The following DDX10 variants were observed in gnomAD, a reference collection of about 807,000 sequenced individuals.
DDX10 encodes the protein probable ATP-dependent RNA helicase DDX10.
DDX10 carries 74 observed loss-of-function variants against 104.3 expected under a neutral mutation model. That is an observed-to-expected ratio of 0.71 (90% CI 0.59 to 0.86). DDX10 has a LOEUF of 0.86. DDX10 is among the 40% of genes least tolerant of loss of function. The probability of loss-of-function intolerance (pLI) is 0.00; values close to 1 mark genes in which losing one functional copy is unlikely to be tolerated. For missense variants in DDX10, 952 were observed against 1,040.0 expected (o/e 0.92, Z 1.16); for synonymous variants, 351 against 353.4 (o/e 0.99, Z 0.08).
chr11:108,791,904 A>G (rs1258433454), intron 13 of DDX10, among the ~76,000 whole-genome samples: 1 of 152,192 alleles, frequency 6.6e-6, no homozygotes, highest in Non-Finnish European at 1.5e-5. Context: ...TGACTTTGCC[A>G]GCAGTGTATG....
chr11:108,762,720 G>A (rs890786614), intron 13 of DDX10, among the ~76,000 whole-genome samples: 1 of 152,128 alleles, frequency 6.6e-6, no homozygotes, highest in African/African-American at 2.4e-5. Context: ...CTAGATCATG[G>A]TCTCAAAGTT....
At chr11:108,732,121 A>T (rs567612516) in intron 13 of DDX10, among the ~76,000 whole-genome samples, 1 of 152,290 alleles carries the variant, frequency 6.6e-6, no homozygotes, top group East Asian at 1.9e-4. Context: ...AACCCATTGG[A>T]TTGTAGATTT....
chr11:108,835,875 T>G (rs910724507), intron 13 of DDX10, among the ~76,000 whole-genome samples: 1 of 152,062 alleles, frequency 6.6e-6, no homozygotes, highest in Non-Finnish European at 1.5e-5. Context: ...CCTTTGATCG[T>G]TTGTTACTCC....
intron 13 of DDX10, among the ~76,000 whole-genome samples, chr11:108,738,276 T>C (rs1455688165): frequency 6.6e-6 from 1 of 151,258 alleles, no homozygotes; most frequent in Non-Finnish European, 1.5e-5. Context: ...AAGGAATCTA[T>C]GAAAATCTGG....
At chr11:108,807,852 A>G (rs1862121372) in intron 13 of DDX10, among the ~76,000 whole-genome samples, 1 of 152,246 alleles carries the variant, frequency 6.6e-6, no homozygotes, top group Non-Finnish European at 1.5e-5. Context: ...TCTGAAATAC[A>G]AAATACAGGG....
chr11:108,710,622 C>T (rs556562710), intron 10 of DDX10, among the ~76,000 whole-genome samples: 24 of 151,904 alleles, frequency 1.6e-4, no homozygotes, highest in Non-Finnish European at 2.9e-4. Flanking sequence ...GAGGGACCTG[C>T]CTGAGGGTGT....
At chr11:108,887,539 A>G (rs1319154612) in intron 16 of DDX10, among the ~76,000 whole-genome samples, 4 of 151,240 alleles carry the variant, frequency 2.6e-5, no homozygotes, top group Non-Finnish European at 5.9e-5. Flanking sequence ...AATTCTCTTG[A>G]TGTAAGAATA....
At chr11:108,772,756 T>C (rs1331774467) in intron 13 of DDX10, among the ~76,000 whole-genome samples, 2 of 152,122 alleles carry the variant, frequency 1.3e-5, no homozygotes, top group African/African-American at 4.8e-5. Context: ...CGGCATTAGA[T>C]TCTCATAGGC....
intron 9 of DDX10, among the ~76,000 whole-genome samples, chr11:108,701,337 C>G (rs1255522062): frequency 2.0e-5 from 3 of 151,954 alleles, no homozygotes; most frequent in Admixed American, 1.3e-4. Flanking sequence ...GGATGGTTGT[C>G]ATAGGTAAGG....
chr11:108,710,850 A>T (rs575258812), intron 10 of DDX10, among the ~76,000 whole-genome samples: 8 of 152,210 alleles, frequency 5.3e-5, no homozygotes, highest in Non-Finnish European at 1.2e-4. Flanking sequence ...GAAATTTTTC[A>T]GCTTCACTAG....
intron 5 of DDX10, 70 bp from the exon 6 acceptor site, chr11:108,679,299 CAG>C: frequency 6.3e-6 from 8 of 1,266,680 alleles, no homozygotes; most frequent in Non-Finnish European, 7.6e-6. Context: ...GGATCCAATC[CAG>C]GATACCCATT....
chr11:108,930,085 A>G (rs1051784572), intron 17 of DDX10, among the ~76,000 whole-genome samples: 3 of 152,188 alleles, frequency 2.0e-5, no homozygotes, highest in Non-Finnish European at 4.4e-5. Context: ...CAAATGTATA[A>G]TGTCATGTGT....
intron 16 of DDX10, among the ~76,000 whole-genome samples, chr11:108,894,880 T>C (rs1192988718): frequency 6.6e-6 from 1 of 151,922 alleles, no homozygotes; most frequent in Non-Finnish European, 1.5e-5. Context: ...CTGGAAAGAG[T>C]ATTATAAGTG....
chr11:108,798,199 T>C (rs1565281623), intron 13 of DDX10, among the ~76,000 whole-genome samples: 2 of 152,210 alleles, frequency 1.3e-5, no homozygotes, highest in Admixed American at 1.3e-4. Context: ...ATAAACATTC[T>C]TTTGGTTTTA....
chr11:108,848,223 C>T (rs149308396), intron 15 of DDX10, among the ~76,000 whole-genome samples: 1 of 152,274 alleles, frequency 6.6e-6, no homozygotes, highest in East Asian at 1.9e-4. Context: ...CCTGAATGTT[C>T]ATTGCATAGC....
At chr11:108,865,785 C>T (rs757124611) in intron 16 of DDX10, among the ~76,000 whole-genome samples, 1 of 152,048 alleles carries the variant, frequency 6.6e-6, no homozygotes, top group Non-Finnish European at 1.5e-5. Flanking sequence ...CTATGTGTTA[C>T]CCCTCATAAT....
At chr11:108,766,123 T>C (rs1344420386) in intron 13 of DDX10, among the ~76,000 whole-genome samples, 1 of 152,178 alleles carries the variant, frequency 6.6e-6, no homozygotes, top group Non-Finnish European at 1.5e-5. Flanking sequence ...ATATTTTCCT[T>C]TGTTTTTGTT....
chr11:108,703,740 C>T (rs1250060622), intron 9 of DDX10, among the ~76,000 whole-genome samples: 1 of 152,076 alleles, frequency 6.6e-6, no homozygotes, highest in Non-Finnish European at 1.5e-5. Context: ...TTTGTTCTTG[C>T]AAGCATTTTT....
chr11:108,684,453 T>C (rs1278549534), intron 6 of DDX10, among the ~76,000 whole-genome samples: 8 of 145,122 alleles, frequency 5.5e-5, no homozygotes, highest in Admixed American at 6.9e-5. Flanking sequence ...ATGCAGTGTT[T>C]GGTTTTTTGT....
Sources: gnomAD v4.1 joint callset for allele counts (sites outside exome capture counted in the v4.1 genomes callset) on GRCh38, gnomAD v4.1.1 for gene constraint, MANE v1.5 for transcripts, NCBI Gene and HGNC (gene_info 2026-07-23, HGNC 2026-07-21) for gene names.